Variants in SDK2 observed in about 807,000 individuals in gnomAD.
SDK2 encodes protein sidekick-2.
Under a neutral mutation model 253.9 loss-of-function variants are expected in SDK2, and 105 were observed. The ratio of observed to expected loss-of-function variants is 0.41; its 90% CI spans 0.35 to 0.49. SDK2 has a LOEUF of 0.49. Ranked by LOEUF, SDK2 falls within the 20% of genes least tolerant of loss-of-function variation. SDK2 has a pLI of 0.06. For missense variants in SDK2, 2,608 were observed against 3,003.0 expected, an observed-to-expected ratio of 0.87 and a Z score of 3.07; for synonymous variants, 1,249 against 1,234.9, an observed-to-expected ratio of 1.01 and a Z score of -0.24.
At position 73,618,966 on chromosome 17, in the gene SDK2, A is replaced by C. The variant is rs1401882331; in HGVS notation, c.64+25059T>G. On this transcript the variant is annotated intron_variant, in intron 1 of 44. Coordinates refer to ENST00000392650, the MANE Select transcript of SDK2 (RefSeq NM_001144952.2). This position sits in a 1 kb window ranked among gnomAD's most constrained non-coding sequence, Gnocchi z 4.1. ...TGGATCACTTGAGGTCAGGAGTTTGAGACTGGCCTGGACAACATGGCGAAA... is the reference window on the plus strand; with the variant it reads ...TGGATCACTTGAGGTCAGGAGTTTGCGACTGGCCTGGACAACATGGCGAAA... Among the ~76,000 whole-genome samples the C allele has an allele frequency of 6.6e-6, 1 of 152,174 alleles. No homozygotes were observed. The highest frequency in any genetic ancestry group is 1.5e-5 in the Non-Finnish European group (1 of 68,032).
At chr17:73,641,776 A>T (rs1187944619) in intron 1 of SDK2, among the ~76,000 whole-genome samples, 1 of 152,118 alleles carries the variant, frequency 6.6e-6, no homozygotes, top group African/African-American at 2.4e-5. Context: ...GATTAATGTC[A>T]TGGCCTGAGA....
At chr17:73,575,071 G>T (rs1366492070) in intron 1 of SDK2, among the ~76,000 whole-genome samples, 1 of 152,200 alleles carries the variant, frequency 6.6e-6, no homozygotes, top group Non-Finnish European at 1.5e-5. Flanking sequence ...GGGAGGCTGG[G>T]CTCTGCCTGG....
At position 73,430,538 on chromosome 17, in the gene SDK2, A is replaced by G; in HGVS notation, c.1556T>C (p.Val519Ala). 1 of 1,607,550 alleles carries G rather than the reference A, an allele frequency of 6.2e-7. No homozygotes were observed. The highest frequency in any genetic ancestry group is 1.1e-5 in the South Asian group (1 of 90,286). The change falls in exon 12 of 45, where the codon GTG becomes GCG. Residue 519 changes from valine to alanine, a missense_variant. Val to Ala is a moderately conservative substitution (Grantham distance 64). Coordinates refer to ENST00000392650, the MANE Select transcript of SDK2 (RefSeq NM_001144952.2). ...KGTQASMVCGVTHDPRVTIRY... is the reference protein window; with the variant it reads ...KGTQASMVCGATHDPRVTIRY... ...GATGGTTACTCGGGGGTCGTGGGTC[A>G]CTCCGCACACCATGGAGGCCTGGGT...
rs1429424023 is a variant in SDK2, at chr17:73,379,201, C to T, written c.4956G>A (p.Gln1652=). ...VTWEPPPLDS[Q]NGDIQGYKIY... ...CCTTGTACCCCTGGATGTCTCCATT[C>T]TGGCTGTCCAGCGGAGGTGGCTCCC... Residue 1652 remains glutamine, a synonymous_variant, in exon 36 of 45, where the codon CAG becomes CAA. Coordinates refer to ENST00000392650, the MANE Select transcript of SDK2 (RefSeq NM_001144952.2). The surrounding 1 kb of genome is among the most constrained non-coding windows in gnomAD (Gnocchi z 4.5). 2 of 1,558,584 alleles carry T rather than the reference C, an allele frequency of 1.3e-6. No individual in the cohort carries two copies. Among genetic ancestry groups the T allele is most frequent in the Non-Finnish European group, 1.7e-6 (2 of 1,150,692 alleles).
chr17:73,412,064 A>G (rs12939231), intron 18 of SDK2, among the ~76,000 whole-genome samples: 5 of 40,106 alleles, frequency 1.2e-4, no homozygotes, highest in South Asian at 7.1e-4. Context: ...GTATATGTAT[A>G]TATACGTATA....
At chr17:73,484,695 G>A (rs2063759253) in intron 2 of SDK2, among the ~76,000 whole-genome samples, 1 of 152,218 alleles carries the variant, frequency 6.6e-6, no homozygotes, top group African/African-American at 2.4e-5. Context: ...AGGATCCCAG[G>A]GAGAATCCTT....
At chr17:73,423,621 T>G in intron 13 of SDK2, 99 bp from the exon 14 acceptor site, 1 of 1,307,738 alleles carries the variant, frequency 7.6e-7, no homozygotes, top group South Asian at 1.9e-5. Flanking sequence ...CCTTCCATGA[T>G]ACCGCATGCT....
intron 1 of SDK2, chr17:73,518,501 G>A (rs1175142964): frequency 2.0e-5 from 3 of 152,134 alleles, no homozygotes; most frequent in Admixed American, 2.0e-4. Flanking sequence ...TCATAGCCGG[G>A]GCCTCCTGTT....
At chr17:73,348,459 G>T in intron 44 of SDK2, 140 bp downstream of exon 44, 1 of 1,023,606 alleles carries the variant, frequency 9.8e-7, no homozygotes, top group East Asian at 2.9e-5. Context: ...GCCCATATAT[G>T]ACTTCAGGGT....
intron 25 of SDK2, among the ~76,000 whole-genome samples, chr17:73,394,906 G>A (rs1398891015): frequency 6.6e-6 from 1 of 152,194 alleles, no homozygotes; most frequent in Non-Finnish European, 1.5e-5. Flanking sequence ...AGCCTACCCA[G>A]CTGTCCTCCA....
chr17:73,368,020 G>A (rs950625360), intron 37 of SDK2, among the ~76,000 whole-genome samples: 1 of 152,170 alleles, frequency 6.6e-6, no homozygotes, highest in African/African-American at 2.4e-5. Flanking sequence ...AGCATGGCAC[G>A]GGCTCATAAG....
rs749780898 is a variant in SDK2, at chr17:73,390,340, C to T, written c.4139G>A (p.Arg1380His). 21 of 1,609,074 alleles carry T rather than the reference C, an allele frequency of 1.3e-5. No individual in the cohort carries two copies. The highest frequency in any genetic ancestry group is 5.3e-5 in the African/African-American group (4 of 74,878). Residue 1380 changes from arginine to histidine, a missense_variant, in exon 29 of 45, where the codon CGC becomes CAC. Coordinates refer to ENST00000392650, the MANE Select transcript of SDK2 (RefSeq NM_001144952.2). ...VYLFRITAQT[R>H]KGWGEAAEAL... Reference sequence around the variant, plus strand: ...CTCGGCAGCTTCTCCCCAGCCCTTGCGGGTCTGGGCCGTGATGCGGAACAG... The same window carrying T: ...CTCGGCAGCTTCTCCCCAGCCCTTGTGGGTCTGGGCCGTGATGCGGAACAG...
intron 2 of SDK2, among the ~76,000 whole-genome samples, chr17:73,487,578 G>A (rs1478471475): frequency 6.6e-6 from 1 of 152,218 alleles, no homozygotes; most frequent in Non-Finnish European, 1.5e-5. Context: ...CGTCACCTGG[G>A]AGCGGGTCAG....
intron 2 of SDK2, among the ~76,000 whole-genome samples, chr17:73,500,315 C>CCTCCTCCATCCTCCCTCCAT (rs1442425710): frequency 1.4e-5 from 2 of 141,550 alleles, no homozygotes; most frequent in East Asian, 2.3e-4. Flanking sequence ...CCTTCTCCAT[C>CCTCCTCCATCCTCCCTCCAT]CTCCTCCATC....
At chr17:73,373,003 T>C (rs1015861667) in intron 36 of SDK2, among the ~76,000 whole-genome samples, 1 of 152,234 alleles carries the variant, frequency 6.6e-6, no homozygotes. Context: ...CGAAACGCTG[T>C]ATCCTGGGAC....
intron 2 of SDK2, among the ~76,000 whole-genome samples, chr17:73,505,019 G>A (rs2063924179): frequency 1.3e-5 from 2 of 151,650 alleles, no homozygotes; most frequent in South Asian, 2.1e-4. Flanking sequence ...TCTTAGGGGC[G>A]AGGAGGTAAA....
intron 1 of SDK2, among the ~76,000 whole-genome samples, chr17:73,558,792 G>A (rs757496209): frequency 6.6e-6 from 1 of 152,152 alleles, no homozygotes; most frequent in Admixed American, 6.5e-5. Flanking sequence ...CCTGGAGGAT[G>A]GGCTCTCAAA....
chr17:73,540,520 T>C (rs2044852625), intron 1 of SDK2, among the ~76,000 whole-genome samples: 1 of 152,222 alleles, frequency 6.6e-6, no homozygotes, highest in South Asian at 2.1e-4. Flanking sequence ...GGACTAGGTA[T>C]GATATTTGCT....
chr17:73,358,237 G>A (rs1249457028), intron 39 of SDK2, 33 bp from the exon 40 acceptor site: 1 of 1,567,860 alleles, frequency 6.4e-7, no homozygotes, highest in Admixed American at 2.1e-5. Context: ...AGGGATGTAT[G>A]GAACCCAGAA....
Sources: allele counts gnomAD v4.1 joint callset (sites outside exome capture counted in the v4.1 genomes callset), GRCh38; gene constraint gnomAD v4.1.1; non-coding constraint Gnocchi (gnomAD v3.1); transcripts MANE v1.5; gene names NCBI Gene and HGNC (gene_info 2026-07-23, HGNC 2026-07-21).